Variants in ZFP64 observed in about 807,000 individuals in gnomAD.
The protein encoded by ZFP64 is ZFP64 zinc finger protein, also known as zinc finger protein 64.
In ZFP64, 14 loss-of-function variants were observed where a neutral mutation model predicts 51.6. The observed-to-expected ratio is 0.27, with a 90% CI of 0.18 to 0.42. ZFP64 has a LOEUF of 0.42. Among genes scored for constraint, ZFP64 ranks in the 10% least tolerant of loss-of-function variants. ZFP64 has a pLI of 1.00. For synonymous variants in ZFP64, 375 were observed against 361.4 expected, an observed-to-expected ratio of 1.04 and a Z score of -0.43; for missense variants, 754 against 906.8, an observed-to-expected ratio of 0.83 and a Z score of 2.16.
chr20:52,125,076 T>A (rs1979384999), intron 5 of ZFP64, among the ~76,000 whole-genome samples: 1 of 152,200 alleles, frequency 6.6e-6, no homozygotes, highest in African/African-American at 2.4e-5. Context: ...TAAGCTAGTG[T>A]CCTTTACAAG....
intron 5 of ZFP64, among the ~76,000 whole-genome samples, chr20:52,118,897 C>A (rs6096767): frequency 0.056 from 8,542 of 152,226 alleles, 843 homozygotes; most frequent in African/African-American, 0.2. Flanking sequence ...AATGCCAACA[C>A]ATTGGGAGGC....
Position 52,164,759 on chromosome 20 carries a change from TAA to T in ZFP64, c.449-4_449-3del, listed in dbSNP as rs72411807. The stretch of plus-strand genomic sequence containing the variant: ...CATAAGCAGTCTTGAATTGGCAACC[TAA>T]AAAAAAAAAGGAAAGATTAATTACA... On this transcript the variant is annotated splice_region_variant and splice_polypyrimidine_tract_variant and intron_variant, in intron 3 of 5. Coordinates refer to ENST00000216923, the MANE Select transcript of ZFP64 (RefSeq NM_018197.3). 4.2e-5 allele frequency: 59 copies of T among 1,401,408 alleles called. No homozygotes were observed. Among genetic ancestry groups the T allele is most frequent in the South Asian group, 6.1e-5 (5 of 82,496 alleles). The allele number at this position is 1,401,408 out of a possible 1,614,324, so 86.8% of individuals were successfully genotyped here.
intron 5 of ZFP64, among the ~76,000 whole-genome samples, chr20:52,119,045 G>A (rs775930942): frequency 2.6e-5 from 4 of 152,100 alleles, no homozygotes; most frequent in East Asian, 1.9e-4. Flanking sequence ...AAAAAAGGTC[G>A]AGGGCAGGAG....
At chr20:52,100,458 T>C (rs993856780) in intron 5 of ZFP64, among the ~76,000 whole-genome samples, 5 of 152,000 alleles carry the variant, frequency 3.3e-5, no homozygotes, top group Non-Finnish European at 7.4e-5. Context: ...GTTGGCCAAG[T>C]TGGTCTTGAA....
chr20:52,088,461 T>C (rs2122700744), exon 8 of ZFP64: 1 of 1,614,158 alleles, frequency 6.2e-7, no homozygotes, highest in East Asian at 2.2e-5. Context: ...AGCTGGCATT[T>C]GTACGGCCGC....
chr20:52,088,231 C>T (rs757646006), intron 8 of ZFP64: 14 of 1,209,344 alleles, frequency 1.2e-5, no homozygotes, highest in East Asian at 4.8e-5. Flanking sequence ...GTTGTTGTTC[C>T]GGCAACAGAA....
intron 7 of ZFP64, chr20:52,097,211 G>A (rs2078997917): frequency 2.4e-6 from 2 of 840,544 alleles, no homozygotes; most frequent in East Asian, 4.8e-5. Flanking sequence ...TCATCTTCAT[G>A]TCACAGCCCT....
At chr20:52,171,137 G>C (rs1982682464) in intron 2 of ZFP64, among the ~76,000 whole-genome samples, 1 of 152,228 alleles carries the variant, frequency 6.6e-6, no homozygotes. Context: ...TGGTCGGCTT[G>C]CTGGCGCCTC....
intron 5 of ZFP64, among the ~76,000 whole-genome samples, chr20:52,119,533 A>ATATATATATATATATATATATATACAT (rs1555802531): frequency 1.1e-5 from 1 of 89,840 alleles, no homozygotes; most frequent in African/African-American, 4.7e-5. Flanking sequence ...AAAAAAAAAA[A>ATATATATATATATATATATATATACAT]ATATATATAT....
In ZFP64 at chr20:52,172,705, G is replaced by C. The variant is rs140701270; in HGVS notation, c.287-6680C>G. Reference sequence around the variant, plus strand: ...CAGCACGGGCCACCTCTTTATGTGGGGGTCTTATGTCTAACTTTTTGCAAG... The same window carrying C: ...CAGCACGGGCCACCTCTTTATGTGGCGGTCTTATGTCTAACTTTTTGCAAG... On this transcript the variant is annotated intron_variant, in intron 2 of 5. Coordinates refer to ENST00000216923, the MANE Select transcript of ZFP64 (RefSeq NM_018197.3). 1.7e-3 allele frequency among the ~76,000 whole-genome samples: 262 copies of C among 151,540 alleles called. 1 individual carries two copies. Among genetic ancestry groups the C allele is most frequent in the African/African-American group, 6.0e-3 (247 of 41,272 alleles).
intron 1 of ZFP64, 43 bp from the exon 2 acceptor site, chr20:52,187,114 C>A: frequency 6.4e-7 from 1 of 1,572,924 alleles, no homozygotes; most frequent in South Asian, 1.1e-5. Flanking sequence ...TTCCAAACAG[C>A]TTTGAATTGT....
At chr20:52,117,934 T>TACAA (rs1244433281) in intron 5 of ZFP64, among the ~76,000 whole-genome samples, 2 of 151,902 alleles carry the variant, frequency 1.3e-5, no homozygotes, top group East Asian at 3.9e-4. Flanking sequence ...TAGCTGGAAC[T>TACAA]ACAAGTGCAC....
chr20:52,189,224 C>T (rs34436152), intron 1 of ZFP64, among the ~76,000 whole-genome samples: 27,148 of 151,670 alleles, frequency 0.18, 3,063 homozygotes, highest in East Asian at 0.25. Flanking sequence ...GGTGAAACCC[C>T]GTCTCTACTA....
At chr20:52,166,152 A>T (rs575628826) in intron 2 of ZFP64, 127 bp from the exon 3 acceptor site, 2 of 832,356 alleles carry the variant, frequency 2.4e-6, no homozygotes, top group Non-Finnish European at 3.4e-6. Flanking sequence ...GCGGCTTCAC[A>T]GTGATCATGT....
At chr20:52,110,596 C>T (rs1239748954) in intron 5 of ZFP64, 14 of 743,796 alleles carry the variant, frequency 1.9e-5, no homozygotes, top group Non-Finnish European at 2.8e-5. Flanking sequence ...GAGGGCCTAG[C>T]GGGCCTCCAC....
At chr20:52,155,815 C>A (rs752016202) in intron 5 of ZFP64, among the ~76,000 whole-genome samples, 4 of 152,018 alleles carry the variant, frequency 2.6e-5, no homozygotes, top group Non-Finnish European at 5.9e-5. Flanking sequence ...GATGAATGAG[C>A]GACATATATT....
At chr20:52,159,372 T>A (rs1390981718) in intron 5 of ZFP64, among the ~76,000 whole-genome samples, 1 of 152,226 alleles carries the variant, frequency 6.6e-6, no homozygotes, top group Non-Finnish European at 1.5e-5. Context: ...CTAACCATAA[T>A]GCAGAATTTA....
chr20:52,094,001 T>G (rs139561351), intron 7 of ZFP64, among the ~76,000 whole-genome samples: 223 of 152,346 alleles, frequency 1.5e-3, no homozygotes, highest in African/African-American at 4.4e-3. Flanking sequence ...AAAGACATCT[T>G]TTTGAGAAGA....
chr20:52,117,313 G>T (rs1978926786), intron 5 of ZFP64, among the ~76,000 whole-genome samples: 1 of 151,940 alleles, frequency 6.6e-6, no homozygotes. Flanking sequence ...ATCAGAATCT[G>T]CATTTTAAAA....
Sources: gnomAD v4.1 joint callset for allele counts (sites outside exome capture counted in the v4.1 genomes callset) on GRCh38, gnomAD v4.1.1 for gene constraint, MANE v1.5 for transcripts, NCBI Gene and HGNC (gene_info 2026-07-23, HGNC 2026-07-21) for gene names.